The following RBFOX1 variants were observed in gnomAD, a reference collection of about 807,000 sequenced individuals.
RBFOX1 encodes RNA binding fox-1 homolog 1.
Under a neutral mutation model 57.7 loss-of-function variants are expected in RBFOX1, and 8 were observed. The ratio of observed to expected loss-of-function variants is 0.14; its 90% CI spans 0.08 to 0.25. The LOEUF is 0.25. Ranked by LOEUF, RBFOX1 falls within the 10% of genes least tolerant of loss-of-function variation. The pLI is 1.00. For missense variants in RBFOX1, 611 were observed against 548.5 expected (o/e 1.11, Z -1.14); for synonymous variants, 326 against 222.4 (o/e 1.47, Z -4.15).
chr16:5,883,564 G>A (rs575230589), intron 4 of RBFOX1, among the ~76,000 whole-genome samples: 2 of 152,246 alleles, frequency 1.3e-5, no homozygotes, highest in South Asian at 2.1e-4. Flanking sequence ...TGTTTTGAGT[G>A]AGGAATTTGA....
intron 2 of RBFOX1, among the ~76,000 whole-genome samples, chr16:6,598,083 T>C (rs996476461): frequency 9.2e-5 from 14 of 152,220 alleles, no homozygotes; most frequent in Non-Finnish European, 1.6e-4. Flanking sequence ...CTGGTACTTG[T>C]GGCAGAAGGC....
intron 3 of RBFOX1, among the ~76,000 whole-genome samples, chr16:6,894,225 T>C (rs531679809): frequency 7.3e-4 from 111 of 152,364 alleles, no homozygotes; most frequent in African/African-American, 2.7e-3. Flanking sequence ...TTCTGCATTT[T>C]CTGTCACAGA....
rs866244675 is a variant in RBFOX1, at chr16:6,029,767, C to T, written c.-127+9775C>T. On this transcript the variant is annotated intron_variant, in intron 1 of 15. Coordinates refer to ENST00000550418, the MANE Select transcript of RBFOX1 (RefSeq NM_018723.4). ...CAGCCTGGGCGACAGATCGAGACTC[C>T]GTCTCAAAAAAAAAAAAAAAAAAAG... 4.8e-4 allele frequency among the ~76,000 whole-genome samples: 36 copies of T among 75,224 alleles called. 2 individuals are homozygous for T. In the South Asian group the frequency reaches 0.016, roughly 33 times the overall value. The allele number at this position is 75,224 out of a possible 152,430, so 49.3% of individuals were successfully genotyped here.
chr16:5,671,822 C>G (rs368895719), intron 3 of RBFOX1, among the ~76,000 whole-genome samples: 25 of 152,268 alleles, frequency 1.6e-4, no homozygotes, highest in African/African-American at 3.4e-4. Flanking sequence ...AATGACTATT[C>G]AAATTATATC....
rs117775559 is a variant in RBFOX1, at chr16:5,378,141, C to G, written c.220-89075C>G. On this transcript the variant is annotated intron_variant, in intron 1 of 2. Coordinates refer to the RBFOX1 transcript ENST00000585867. Reference sequence around the variant, plus strand: ...CAAATAAGTAGACAGAGATATGGAGCCTGCAGTTGTTGAAGGTGTGTGCGT... The same window carrying G: ...CAAATAAGTAGACAGAGATATGGAGGCTGCAGTTGTTGAAGGTGTGTGCGT... Among the ~76,000 whole-genome samples the G allele has an allele frequency of 1.4e-3, 217 of 151,604 alleles. 5 individuals carry two copies. In the East Asian group the frequency reaches 0.022, roughly 16 times the overall value.
chr16:5,534,732 T>G (rs2044628650), intron 2 of RBFOX1, among the ~76,000 whole-genome samples: 1 of 152,176 alleles, frequency 6.6e-6, no homozygotes, highest in African/African-American at 2.4e-5. Context: ...TGGGAACACC[T>G]TCACAGACAC....
At chr16:7,187,241 G>T (rs1169880158) in intron 4 of RBFOX1, among the ~76,000 whole-genome samples, 1 of 152,032 alleles carries the variant, frequency 6.6e-6, no homozygotes, top group Non-Finnish European at 1.5e-5. Flanking sequence ...TATGTAAGAA[G>T]AGTAGGAACA....
chr16:7,509,483 C>A (rs1012026276), intron 4 of RBFOX1, among the ~76,000 whole-genome samples: 3 of 150,246 alleles, frequency 2.0e-5, no homozygotes, highest in Non-Finnish European at 2.9e-5. Flanking sequence ...TAATTAGATC[C>A]TTACAATAAT....
At chr16:5,345,404 C>T (rs927427118) in intron 1 of RBFOX1, among the ~76,000 whole-genome samples, 41 of 152,312 alleles carry the variant, frequency 2.7e-4, no homozygotes, top group African/African-American at 8.7e-4. Context: ...CCAACTAAAG[C>T]CCTCGTGCAT....
At chr16:6,927,753 C>G (rs1187430033) in intron 3 of RBFOX1, among the ~76,000 whole-genome samples, 1 of 152,006 alleles carries the variant, frequency 6.6e-6, no homozygotes, top group African/African-American at 2.4e-5. Flanking sequence ...GGCCTGGAAC[C>G]TAAAATCTCC....
chr16:6,701,920 G>A (rs1434158250), intron 3 of RBFOX1, among the ~76,000 whole-genome samples: 1 of 152,088 alleles, frequency 6.6e-6, no homozygotes, highest in African/African-American at 2.4e-5. Context: ...GACACAAAGG[G>A]ACAACAGACA....
At chr16:5,643,345 AC>A (rs995474693) in intron 3 of RBFOX1, among the ~76,000 whole-genome samples, 1 of 152,100 alleles carries the variant, frequency 6.6e-6, no homozygotes, top group African/African-American at 2.4e-5. Context: ...CCCTCTGGGC[AC>A]CCAGGAAGGT....
chr16:5,616,589 C>G (rs1394276035), intron 3 of RBFOX1, among the ~76,000 whole-genome samples: 1 of 149,266 alleles, frequency 6.7e-6, no homozygotes, highest in Non-Finnish European at 1.5e-5. Context: ...TCTCCCTCTC[C>G]CTCCTCCTCC....
intron 1 of RBFOX1, among the ~76,000 whole-genome samples, chr16:5,433,384 C>G (rs868287910): frequency 6.6e-6 from 1 of 152,144 alleles, no homozygotes; most frequent in Non-Finnish European, 1.5e-5. Context: ...GAATTTGAAG[C>G]CACATGCGTG....
intron 3 of RBFOX1, among the ~76,000 whole-genome samples, chr16:6,691,266 C>T (rs2060167462): frequency 6.6e-6 from 1 of 152,106 alleles, no homozygotes. Flanking sequence ...TACAGAGCAT[C>T]TCGATGTGTG....
chr16:6,586,337 C>G (rs1477739601), intron 2 of RBFOX1, among the ~76,000 whole-genome samples: 1 of 152,166 alleles, frequency 6.6e-6, no homozygotes. Flanking sequence ...TCCTAAGATA[C>G]CTACAAAATG....
chr16:6,375,864 C>T (rs1339436768), intron 2 of RBFOX1, among the ~76,000 whole-genome samples: 1 of 152,128 alleles, frequency 6.6e-6, no homozygotes, highest in Non-Finnish European at 1.5e-5. Context: ...AAACACACTC[C>T]CTTCTTGGCC....
rs113332185 is a variant in RBFOX1, at chr16:5,311,715, C to T, written c.219+71610C>T. On this transcript the variant is annotated intron_variant, in intron 1 of 2. Transcript: ENST00000585867. ...TATCTTCTTTTGAGAAATGTCTATT[C>T]ATGTCATTTGTCCACTTTTCGATGG... is the stretch of plus-strand genomic sequence containing the variant. Among the ~76,000 whole-genome samples the T allele has an allele frequency of 4.9e-3, 741 of 152,278 alleles. 14 individuals are homozygous for T. Among genetic ancestry groups the T allele is most frequent in the African/African-American group, 0.017 (712 of 41,552 alleles).
chr16:5,753,306 A>G (rs2053277935), intron 3 of RBFOX1, among the ~76,000 whole-genome samples: 1 of 152,238 alleles, frequency 6.6e-6, no homozygotes, highest in African/African-American at 2.4e-5. Context: ...GAACACTTAA[A>G]AAAATCCTCA....
Sources: gnomAD v4.1 joint callset for allele counts (sites outside exome capture counted in the v4.1 genomes callset) on GRCh38, gnomAD v4.1.1 for gene constraint, MANE v1.5 for transcripts, NCBI Gene and HGNC (gene_info 2026-07-23, HGNC 2026-07-21) for gene names.